CACNA2D4: variants seen among roughly 807,000 people sequenced by gnomAD.
CACNA2D4 encodes the protein calcium voltage-gated channel auxiliary subunit alpha2delta 4.
A neutral mutation model predicts 163.8 loss-of-function variants in CACNA2D4; 157 were observed. That is an observed-to-expected ratio of 0.96 (90% CI 0.84 to 1.09). CACNA2D4 has a LOEUF of 1.09. Among genes scored for constraint, CACNA2D4 ranks in the 50% least tolerant of loss-of-function variants. The pLI is 0.00. For missense variants in CACNA2D4, 1,410 were observed against 1,479.9 expected (o/e 0.95, Z 0.78); for synonymous variants, 598 against 586.9 (o/e 1.02, Z -0.27).
rs188700805 is a variant in CACNA2D4, at chr12:1,799,730, C to T, written c.2975-35G>A. 6.4e-3 allele frequency: 10,082 copies of T among 1,565,410 alleles called. 44 individuals carry two copies. Among genetic ancestry groups the T allele is most frequent in the Middle Eastern group, 0.013 (78 of 6,006 alleles). On this transcript the variant is annotated intron_variant, in intron 33 of 37. Transcript: ENST00000382722. This position sits in a 1 kb window ranked among gnomAD's most constrained non-coding sequence, Gnocchi z 4.7. ...ACATAAGCCCAGCACAGGGTGGACA[C>T]GGCACAGGAAAACATGGTGGCACAT...
intron 29 of CACNA2D4, among the ~76,000 whole-genome samples, chr12:1,807,097 G>A (rs1863564589): frequency 6.6e-6 from 1 of 151,820 alleles, no homozygotes. Context: ...GCAGAATATG[G>A]TAAAAGTGAT....
At chr12:1,846,718 A>T in intron 23 of CACNA2D4, 29 bp from the exon 24 acceptor site, 2 of 1,554,468 alleles carry the variant, frequency 1.3e-6, no homozygotes, top group Non-Finnish European at 1.7e-6. Flanking sequence ...GGGAATGGTC[A>T]CCACATGGCT....
rs1863004647 is a variant in CACNA2D4 at position 1,792,515 on chromosome 12, G to C, written c.*1140C>G. The C allele has an allele frequency of 6.6e-6, 1 of 152,244 alleles. No individual in the cohort carries two copies. The highest frequency in any genetic ancestry group is 2.4e-5 in the African/African-American group (1 of 41,452). The allele number at this position is 152,244 out of a possible 1,614,324, so 9.4% of individuals were successfully genotyped here. A position where few individuals can be genotyped will look rare whatever the true frequency, so the allele number is the denominator to read the frequency against. ...ACCCATCACTGGGGTTTGTTAAATG[G>C]AAAGATTTGAGGCCGGCCTCTCCCA... On this transcript the variant is annotated 3_prime_UTR_variant, in exon 38 of 38. Coordinates refer to ENST00000382722, the MANE Select transcript of CACNA2D4 (RefSeq NM_172364.5).
In CACNA2D4 at chr12:1,843,214, C is replaced by T. The variant is rs940451292; in HGVS notation, c.2470+1188G>A. ...GCACCAGGTGAGGAAGGCGGGATTC[C>T]GGAGGGGGCGGGGTGGAGCTCCTCC... is the stretch of plus-strand genomic sequence containing the variant. On this transcript the variant is annotated intron_variant, in intron 25 of 37. Coordinates refer to ENST00000382722, the MANE Select transcript of CACNA2D4 (RefSeq NM_172364.5). The surrounding 1 kb of genome is among the most constrained non-coding windows in gnomAD (Gnocchi z 4.6). 1.2e-4 allele frequency among the ~76,000 whole-genome samples: 18 copies of T among 152,244 alleles called. No individual in the cohort carries two copies. The highest frequency in any genetic ancestry group is 3.4e-4 in the African/African-American group (14 of 41,548).
intron 6 of CACNA2D4, among the ~76,000 whole-genome samples, chr12:1,900,398 G>T (rs1207905153): frequency 6.6e-6 from 1 of 152,186 alleles, no homozygotes; most frequent in African/African-American, 2.4e-5. Context: ...ACCTCCCAAA[G>T]TGCTGGGATT....
At chr12:1,827,853 T>C (rs373134568) in intron 26 of CACNA2D4, 1 of 365,178 alleles carries the variant, frequency 2.7e-6, no homozygotes, top group African/African-American at 2.1e-5. Flanking sequence ...TGCGGCACTG[T>C]GCCCGACCCT....
chr12:1,834,418 C>T lies in CACNA2D4; in HGVS notation c.2551+6321G>A. 4.3e-6 allele frequency: 7 copies of T among 1,613,004 alleles called. No homozygotes were observed. Among genetic ancestry groups the T allele is most frequent in the Non-Finnish European group, 5.9e-6 (7 of 1,180,008 alleles). ...TGGATATTCCTGGGCCACCCTGCAC[C>T]AAGGCCAGTCCAGAGCCTGCTAAGC... On this transcript the variant is annotated intron_variant, in intron 26 of 37. Transcript: ENST00000382722. This position sits in a 1 kb window ranked among gnomAD's most constrained non-coding sequence, Gnocchi z 7.6.
chr12:1,806,766 G>A lies in CACNA2D4; in HGVS notation c.2721+3512C>T, dbSNP rs1863552368. Among the ~76,000 whole-genome samples the A allele has an allele frequency of 6.6e-6, 1 of 152,142 alleles. No homozygotes were observed. The highest frequency in any genetic ancestry group is 2.1e-4 in the South Asian group (1 of 4,836). ...AACCCCAGAGTGCTTGAGTCCCTAG[G>A]TCTGGGGTGGGACCCTGGCAAATCT... On this transcript the variant is annotated intron_variant, in intron 29 of 37. Transcript: ENST00000382722. This position sits in a 1 kb window ranked among gnomAD's most constrained non-coding sequence, Gnocchi z 4.1.
intron 27 of CACNA2D4, 131 bp downstream of exon 27, chr12:1,811,531 A>G: frequency 1.1e-6 from 1 of 898,994 alleles, no homozygotes; most frequent in Non-Finnish European, 1.8e-6. Flanking sequence ...AGGGGCTGAG[A>G]AGTGTAGGGG....
intron 1 of CACNA2D4, among the ~76,000 whole-genome samples, chr12:1,915,709 G>A (rs867085832): frequency 1.6e-4 from 24 of 152,310 alleles, no homozygotes; most frequent in Admixed American, 5.2e-4. Context: ...CCGACCTCTC[G>A]CCCATGCCCC....
At chr12:1,882,696 CAGGAAAAGAGG>C (rs1866032596) in intron 13 of CACNA2D4, among the ~76,000 whole-genome samples, 160 bp downstream of exon 13, 1 of 152,142 alleles carries the variant, frequency 6.6e-6, no homozygotes, top group South Asian at 2.1e-4. Flanking sequence ...CAAGGGCTGT[CAGGAAAAGAGG>C]AGGAAAAGCA....
chr12:1,893,249 G>C (rs1866328285), intron 6 of CACNA2D4, among the ~76,000 whole-genome samples: 1 of 152,138 alleles, frequency 6.6e-6, no homozygotes, highest in Non-Finnish European at 1.5e-5. Flanking sequence ...CACAAAACAA[G>C]TCTCAGTAAA....
At chr12:1,880,240 C>T (rs1489083963) in intron 13 of CACNA2D4, among the ~76,000 whole-genome samples, 1 of 152,246 alleles carries the variant, frequency 6.6e-6, no homozygotes, top group Admixed American at 6.5e-5. Context: ...TGCCCAGAAA[C>T]AGAGAGGCTT....
At position 1,833,064 on chromosome 12, in the gene CACNA2D4, C is replaced by T. The variant is rs1032848129; in HGVS notation, c.2551+7675G>A. 3.9e-5 allele frequency among the ~76,000 whole-genome samples: 6 copies of T among 152,094 alleles called. No homozygotes were observed. The highest frequency in any genetic ancestry group is 2.1e-4 in the South Asian group (1 of 4,816). On this transcript the variant is annotated intron_variant, in intron 26 of 37. Transcript: ENST00000382722. The surrounding 1 kb of genome is among the most constrained non-coding windows in gnomAD (Gnocchi z 4.2). ...TCAGACCCTCCTCTCCTGTGGTCGC[C>T]GGGAACTGAATTCCCAGCACAAAAA...
chr12:1,828,740 G>A lies in CACNA2D4; in HGVS notation c.2551+11999C>T, dbSNP rs1157452625. ...AGAGGACCTAGTGGGCTCGTGGGATGCGGCGCTGGAAGAGACTTTGGGGAG... is the reference window on the plus strand; with the variant it reads ...AGAGGACCTAGTGGGCTCGTGGGATACGGCGCTGGAAGAGACTTTGGGGAG... On this transcript the variant is annotated intron_variant, in intron 26 of 37. Transcript: ENST00000382722. This position sits in a 1 kb window ranked among gnomAD's most constrained non-coding sequence, Gnocchi z 4.2. Among the ~76,000 whole-genome samples the A allele has an allele frequency of 1.3e-5, 2 of 152,232 alleles. No homozygotes were observed. The highest frequency in any genetic ancestry group is 2.9e-5 in the Non-Finnish European group (2 of 68,036).
Position 1,907,965 on chromosome 12 carries a change from A to G in CACNA2D4, c.559T>C (p.Phe187Leu). 1 of 1,613,926 alleles carries G rather than the reference A, an allele frequency of 6.2e-7. No homozygotes were observed. Among genetic ancestry groups the G allele is most frequent in the Non-Finnish European group, 8.5e-7 (1 of 1,179,854 alleles). ...AAGTGAGCATTGGACTCCAGGAGGA[A>G]CTCGGCGCCCAGCTCCACGAAGTTG... is the stretch of plus-strand genomic sequence containing the variant. ...KGNFVELGAE[F>L]LLESNAHFSN... Residue 187 changes from phenylalanine (F) to leucine (L), a missense_variant, in exon 5 of 38, where the codon TTC becomes CTC. Phe to Leu is a conservative substitution (Grantham distance 22, BLOSUM62 0). Transcript: ENST00000382722.
At chr12:1,854,077 T>G in intron 22 of CACNA2D4, 33 bp from the exon 23 acceptor site, 2 of 1,513,294 alleles carry the variant, frequency 1.3e-6, no homozygotes, top group South Asian at 2.4e-5. Flanking sequence ...CCAGGCCACA[T>G]GCTTCCTCCA....
intron 6 of CACNA2D4, among the ~76,000 whole-genome samples, chr12:1,903,572 G>A (rs759755724): frequency 2.0e-5 from 3 of 151,820 alleles, no homozygotes; most frequent in East Asian, 1.9e-4. Context: ...CTGAATGTAC[G>A]TGTCTCAAAA....
Position 1,853,962 on chromosome 12 carries a change from G to A in CACNA2D4, c.2235C>T (p.Leu745=), listed in dbSNP as rs1356127061. 5 of 1,613,020 alleles carry A rather than the reference G, an allele frequency of 3.1e-6. No individual in the cohort carries two copies. The highest frequency in any genetic ancestry group is 3.4e-6 in the Non-Finnish European group (4 of 1,179,316). Residue 745 remains leucine, a synonymous_variant, in exon 23 of 38, where the codon CTC becomes CTT. Coordinates refer to ENST00000382722, the MANE Select transcript of CACNA2D4 (RefSeq NM_172364.5). ...PMEAYWTALA[L]NMSEESEHVV... is the part of the protein sequence containing the mutation. ...GAACCTGGACCTACTCGGACATGTT[G>A]AGGGCCAGCGCTGTCCAGTAGGCTT...
Sources: allele counts gnomAD v4.1 joint callset (sites outside exome capture counted in the v4.1 genomes callset), GRCh38; gene constraint gnomAD v4.1.1; non-coding constraint Gnocchi (gnomAD v3.1); transcripts MANE v1.5; gene names NCBI Gene and HGNC (gene_info 2026-07-23, HGNC 2026-07-21).